DIAPH2: variants seen among roughly 807,000 people sequenced by gnomAD.
DIAPH2 encodes diaphanous related formin 2.
Under a neutral mutation model 92.7 loss-of-function variants are expected in DIAPH2, and 35 were observed. The observed-to-expected ratio is 0.38, with a 90% confidence interval of 0.29 to 0.50. The LOEUF is 0.50. DIAPH2 is among the 20% of genes least tolerant of loss of function. The pLI is 0.94. For synonymous variants in DIAPH2, 301 were observed against 280.4 expected (o/e 1.07, Z -0.73); for missense variants, 701 against 819.5 (o/e 0.86, Z 1.77).
At chrX:96,737,048 A>C (rs2064092069) in intron 2 of DIAPH2, among the ~76,000 whole-genome samples, 1 of 112,202 alleles carries the variant, frequency 8.9e-6, no homozygotes, top group South Asian at 3.7e-4. Flanking sequence ...GTTAAAAGAA[A>C]ATGTGAAAAT....
chrX:97,216,318 T>G (rs1443133986), intron 22 of DIAPH2, among the ~76,000 whole-genome samples: 1 of 111,632 alleles, frequency 9.0e-6, no homozygotes, highest in Admixed American at 9.5e-5. Flanking sequence ...TTCTTCATTA[T>G]TTTTGAGACA....
chrX:97,518,477 A>G (rs1482289128), intron 26 of DIAPH2, among the ~76,000 whole-genome samples: 2 of 110,267 alleles, frequency 1.8e-5, no homozygotes, highest in Non-Finnish European at 3.8e-5. Context: ...TGTCCTTCTA[A>G]TAGCATATAT....
chrX:97,112,761 CTTTCTTTTTTT>C (rs2066989685), intron 20 of DIAPH2, among the ~76,000 whole-genome samples: 1 of 67,417 alleles, frequency 1.5e-5, no homozygotes, highest in Non-Finnish European at 2.7e-5. Context: ...CTTTCCCTTT[CTTTCTTTTTTT>C]TTTTTTTTTT....
At chrX:97,022,731 T>A (rs762315599) in intron 17 of DIAPH2, among the ~76,000 whole-genome samples, 22 of 112,029 alleles carry the variant, frequency 2.0e-4, no homozygotes, top group African/African-American at 7.1e-4. Context: ...TCAAAATTCA[T>A]CTCATCAGAG....
intron 3 of DIAPH2, among the ~76,000 whole-genome samples, chrX:96,751,500 C>T (rs2064187256): frequency 9.9e-6 from 1 of 100,987 alleles, no homozygotes; most frequent in Admixed American, 1.1e-4. Flanking sequence ...GGCGTGAACC[C>T]GGGAGGCGGA....
intron 26 of DIAPH2, among the ~76,000 whole-genome samples, chrX:97,466,519 G>A (rs989683618): frequency 1.8e-5 from 2 of 111,595 alleles, no homozygotes; most frequent in Non-Finnish European, 3.8e-5. Context: ...CTGTGACCCA[G>A]TATCTAAATA....
At chrX:97,502,491 G>T (rs1375897950) in intron 26 of DIAPH2, among the ~76,000 whole-genome samples, 4 of 111,999 alleles carry the variant, frequency 3.6e-5, no homozygotes, top group Non-Finnish European at 5.6e-5. Context: ...AATTTAAGAG[G>T]CAAAGAAAGC....
At chrX:97,445,391 T>G (rs2147789561) in intron 26 of DIAPH2, among the ~76,000 whole-genome samples, 1 of 111,046 alleles carries the variant, frequency 9.0e-6, no homozygotes, top group Admixed American at 9.6e-5. Context: ...TTTTATCTGT[T>G]TATCTCCCTC....
At chrX:96,792,204 C>A (rs773304806) in intron 4 of DIAPH2, among the ~76,000 whole-genome samples, 1 of 112,071 alleles carries the variant, frequency 8.9e-6, no homozygotes, top group South Asian at 3.7e-4. Context: ...ATGATATTTA[C>A]AGATCTCTAT....
At chrX:97,130,597 G>A (rs1294049844) in intron 21 of DIAPH2, among the ~76,000 whole-genome samples, 1 of 111,753 alleles carries the variant, frequency 8.9e-6, no homozygotes, top group Admixed American at 9.5e-5. Context: ...CAAGGGTTGG[G>A]GGATAAGGCA....
intron 1 of DIAPH2, among the ~76,000 whole-genome samples, chrX:96,698,709 A>G (rs2063838267): frequency 9.8e-6 from 1 of 101,812 alleles, no homozygotes; most frequent in Admixed American, 1.1e-4. Flanking sequence ...TATTTCTTAT[A>G]ATTACTAATC....
At chrX:97,334,016 T>C (rs1163658775) in intron 23 of DIAPH2, among the ~76,000 whole-genome samples, 1 of 111,452 alleles carries the variant, frequency 9.0e-6, no homozygotes, top group Non-Finnish European at 1.9e-5. Context: ...GTCATGTTAC[T>C]CCTCTGATTA....
chrX:97,318,482 CTTTTTTTTTTTTTTTTT>C (rs745350367), intron 23 of DIAPH2, among the ~76,000 whole-genome samples: 1 of 46,326 alleles, frequency 2.2e-5, no homozygotes, highest in Non-Finnish European at 4.0e-5. Flanking sequence ...TTTTTCTTTA[CTTTTTTTTTTTTTTTTT>C]TTTTTTTTTT....
intron 23 of DIAPH2, among the ~76,000 whole-genome samples, chrX:97,332,134 C>T (rs1452977854): frequency 6.3e-5 from 7 of 111,263 alleles, no homozygotes; most frequent in Non-Finnish European, 1.3e-4. Flanking sequence ...ATAATATATT[C>T]AAGTGTTTTC....
intron 5 of DIAPH2, among the ~76,000 whole-genome samples, chrX:96,908,565 C>T (rs1018117612): frequency 9.0e-6 from 1 of 110,849 alleles, no homozygotes; most frequent in Non-Finnish European, 1.9e-5. Context: ...TGAAATATAC[C>T]AAATATATCT....
chrX:97,562,876 C>A (rs1888447974), intron 26 of DIAPH2, among the ~76,000 whole-genome samples: 1 of 111,959 alleles, frequency 8.9e-6, no homozygotes, highest in Non-Finnish European at 1.9e-5. Context: ...CCCCCCAAAT[C>A]TATGTATGGT....
chrX:96,715,280 T>TA (rs1002341981), intron 1 of DIAPH2, among the ~76,000 whole-genome samples: 23 of 110,667 alleles, frequency 2.1e-4, no homozygotes, highest in Non-Finnish European at 3.6e-4. Context: ...TCAGTCCAAA[T>TA]AAAAAAAAAT....
intron 3 of DIAPH2, among the ~76,000 whole-genome samples, chrX:96,749,823 A>G (rs755717835): frequency 9.0e-6 from 1 of 110,995 alleles, no homozygotes; most frequent in African/African-American, 3.3e-5. Context: ...CCTGTTCCAG[A>G]CAGTACATCT....
chrX:97,012,585 A>G (rs941197782), intron 17 of DIAPH2, among the ~76,000 whole-genome samples: 1 of 112,234 alleles, frequency 8.9e-6, no homozygotes, highest in African/African-American at 3.2e-5. Context: ...CTCTTTAAGT[A>G]CATTTCTCAC....
Sources: gnomAD v4.1 joint callset for allele counts (sites outside exome capture counted in the v4.1 genomes callset) on GRCh38, gnomAD v4.1.1 for gene constraint, MANE v1.5 for transcripts, NCBI Gene and HGNC (gene_info 2026-07-23, HGNC 2026-07-21) for gene names.